The following DPP10 variants were observed in gnomAD, a reference collection of about 807,000 sequenced individuals.
DPP10 encodes dipeptidyl peptidase like 10, also known as inactive dipeptidyl peptidase 10.
In DPP10, 33 loss-of-function variants were observed where a neutral mutation model predicts 120.9. That is an observed-to-expected ratio of 0.27 (90% CI 0.21 to 0.37). DPP10 has a LOEUF of 0.37. DPP10 is among the 10% of genes least tolerant of loss of function. The pLI is 1.00. For synonymous variants in DPP10, 337 were observed against 326.1 expected, an observed-to-expected ratio of 1.03 and a Z score of -0.36; for missense variants, 816 against 942.8, an observed-to-expected ratio of 0.87 and a Z score of 1.76.
chr2:115,561,416 G>T (rs1412092541), intron 5 of DPP10, among the ~76,000 whole-genome samples: 2 of 146,118 alleles, frequency 1.4e-5, no homozygotes, highest in Non-Finnish European at 3.0e-5. Flanking sequence ...CTGACCCATT[G>T]CGGTGTTATC....
intron 19 of DPP10, among the ~76,000 whole-genome samples, chr2:115,797,479 G>A (rs1684672619): frequency 6.6e-6 from 1 of 151,964 alleles, no homozygotes; most frequent in Admixed American, 6.6e-5. Context: ...GTCTGATGTG[G>A]GTGAAAGAGA....
intron 10 of DPP10, among the ~76,000 whole-genome samples, chr2:115,747,594 C>CTTTTTTTTTTTTTTTTT (rs3980905): frequency 2.1e-5 from 3 of 141,228 alleles, no homozygotes; most frequent in Non-Finnish European, 3.0e-5. Context: ...ATCCCCTTGT[C>CTTTTTTTTTTTTTTTTT]TTTTTTTTTT....
chr2:115,504,425 G>C (rs891373758), intron 4 of DPP10, among the ~76,000 whole-genome samples: 9 of 151,266 alleles, frequency 5.9e-5, no homozygotes, highest in Non-Finnish European at 2.9e-5. Context: ...CTTTTGCTTG[G>C]GCATGTCCTT....
chr2:114,846,017 G>A (rs1226168085), intron 1 of DPP10, among the ~76,000 whole-genome samples: 1 of 151,102 alleles, frequency 6.6e-6, no homozygotes, highest in Non-Finnish European at 1.5e-5. Context: ...ATATATTTTT[G>A]TATGTTGGAT....
chr2:114,907,072 AT>A (rs1401747745), intron 1 of DPP10, among the ~76,000 whole-genome samples: 3 of 152,052 alleles, frequency 2.0e-5, no homozygotes, highest in African/African-American at 7.2e-5. Context: ...GTTTCTAGAA[AT>A]TATTCCCTTT....
At chr2:114,774,111 T>C (rs1488147573) in intron 1 of DPP10, among the ~76,000 whole-genome samples, 2 of 152,142 alleles carry the variant, frequency 1.3e-5, no homozygotes, top group African/African-American at 4.8e-5. Context: ...TATTTATATG[T>C]ATTCATTCAA....
At chr2:115,017,228 T>A (rs1432092133) in intron 1 of DPP10, among the ~76,000 whole-genome samples, 3 of 148,976 alleles carry the variant, frequency 2.0e-5, no homozygotes, top group African/African-American at 7.4e-5. Context: ...TTTAAAAAAA[T>A]TAAAAAAAAA....
chr2:114,843,858 C>T (rs1309213283), intron 1 of DPP10, among the ~76,000 whole-genome samples: 2 of 152,246 alleles, frequency 1.3e-5, no homozygotes, highest in East Asian at 3.9e-4. Flanking sequence ...TGTCTGGCTT[C>T]CCAAGACATG....
intron 5 of DPP10, among the ~76,000 whole-genome samples, chr2:115,544,455 G>A (rs571653991): frequency 3.9e-4 from 59 of 152,156 alleles, no homozygotes; most frequent in African/African-American, 1.3e-3. Context: ...AAGTGAGAGA[G>A]TGTAATCTCA....
intron 1 of DPP10, among the ~76,000 whole-genome samples, chr2:115,098,507 T>A (rs1415122427): frequency 2.0e-5 from 3 of 152,108 alleles, no homozygotes. Context: ...TACAAACCTG[T>A]ACGACATGTT....
chr2:115,133,145 GTA>G lies in DPP10; in HGVS notation c.61-176063_61-176062del, dbSNP rs1246180843. On this transcript the variant is annotated intron_variant, in intron 1 of 25. Transcript: ENST00000410059. ...TGTGTGTGTGTGTGTGTGTGTGTGT[GTA>G]TATATATATATATATATATATATAT... 8.6e-3 allele frequency among the ~76,000 whole-genome samples: 247 copies of G among 28,714 alleles called. 2 individuals are homozygous for G. The highest frequency in any genetic ancestry group is 0.021 in the South Asian group (13 of 618). 18.8% of individuals were successfully genotyped at this position (28,714 alleles called of 152,430 possible).
chr2:115,309,219 T>A lies in DPP10; in HGVS notation c.61-20T>A. ...CTTGGAGCATGAATAATTACAAAAC[T>A]TTTTTTTCTATCTCGGTAGGAACTG... On this transcript the variant is annotated intron_variant, in intron 1 of 25. Transcript: ENST00000410059. The A allele has an allele frequency of 6.3e-7, 1 of 1,593,414 alleles. No individual in the cohort carries two copies. Among genetic ancestry groups the A allele is most frequent in the Non-Finnish European group, 8.6e-7 (1 of 1,164,936 alleles).
At chr2:115,647,206 C>A (rs180693162) in intron 5 of DPP10, among the ~76,000 whole-genome samples, 49 of 152,190 alleles carry the variant, frequency 3.2e-4, no homozygotes, top group Non-Finnish European at 5.7e-4. Flanking sequence ...GGAAGAAGAC[C>A]GGCTCCCTTT....
chr2:114,954,897 A>G (rs184939358), intron 1 of DPP10, among the ~76,000 whole-genome samples: 534 of 152,330 alleles, frequency 3.5e-3, no homozygotes, highest in Non-Finnish European at 5.3e-3. Flanking sequence ...TGTATAAACT[A>G]CAAAGATCAA....
At chr2:114,722,693 A>G (rs1419441046) in intron 1 of DPP10, among the ~76,000 whole-genome samples, 1 of 143,918 alleles carries the variant, frequency 6.9e-6, no homozygotes, top group Non-Finnish European at 1.5e-5. Flanking sequence ...GGAGAATGGC[A>G]TGAACCTGGG....
At chr2:114,510,571 C>T (rs1330149009) in intron 1 of DPP10, among the ~76,000 whole-genome samples, 1 of 152,080 alleles carries the variant, frequency 6.6e-6, no homozygotes, top group African/African-American at 2.4e-5. Flanking sequence ...CCATTGCACT[C>T]CAGCCTGGGT....
At chr2:114,780,666 C>A (rs1192586551) in intron 1 of DPP10, among the ~76,000 whole-genome samples, 1 of 151,778 alleles carries the variant, frequency 6.6e-6, no homozygotes, top group Non-Finnish European at 1.5e-5. Flanking sequence ...ATTTAAAGGG[C>A]ATTATTATGA....
intron 5 of DPP10, among the ~76,000 whole-genome samples, chr2:115,664,254 A>G (rs930868288): frequency 1.3e-5 from 2 of 151,838 alleles, no homozygotes; most frequent in Non-Finnish European, 2.9e-5. Context: ...AATATAATAC[A>G]TAAGGTACCA....
intron 1 of DPP10, among the ~76,000 whole-genome samples, chr2:115,147,535 G>C (rs2051292531): frequency 6.6e-6 from 1 of 152,094 alleles, no homozygotes; most frequent in African/African-American, 2.4e-5. Context: ...AAAGGAGTTA[G>C]ACAGTGCCTG....
Sources: gnomAD v4.1 joint callset for allele counts (sites outside exome capture counted in the v4.1 genomes callset) on GRCh38, gnomAD v4.1.1 for gene constraint, MANE v1.5 for transcripts, NCBI Gene and HGNC (gene_info 2026-07-23, HGNC 2026-07-21) for gene names.